Variants in GRIA4 observed in about 807,000 individuals in gnomAD.
The protein encoded by GRIA4 is glutamate ionotropic receptor AMPA type subunit 4, also known as glutamate receptor 4.
Under a neutral mutation model 104.0 loss-of-function variants are expected in GRIA4, and 34 were observed. The observed-to-expected ratio is 0.33, with a 90% CI of 0.25 to 0.44. The LOEUF (loss-of-function observed/expected upper bound fraction) is 0.44, where lower values mean the gene tolerates loss of function less well. GRIA4 is among the 20% of genes least tolerant of loss of function. The pLI, the probability that GRIA4 is intolerant of heterozygous loss-of-function variation, is 1.00. For synonymous variants in GRIA4, 386 were observed against 381.9 expected (o/e 1.01, Z -0.13); for missense variants, 750 against 1,096.5 (o/e 0.68, Z 4.46).
intron 4 of GRIA4, among the ~76,000 whole-genome samples, chr11:105,849,095 G>T (rs1944703473): frequency 6.6e-6 from 1 of 152,142 alleles, no homozygotes; most frequent in Admixed American, 6.5e-5. Flanking sequence ...AGAAGGCTGA[G>T]ATAGGAAAAT....
intron 4 of GRIA4, among the ~76,000 whole-genome samples, chr11:105,859,586 A>C (rs187567855): frequency 4.2e-4 from 64 of 152,312 alleles, no homozygotes; most frequent in Non-Finnish European, 1.6e-4. Context: ...GAATAACAAC[A>C]TGGATGCCTA....
intron 10 of GRIA4, 101 bp downstream of exon 10, chr11:105,910,646 T>C (rs575845502): frequency 5.8e-6 from 4 of 684,406 alleles, no homozygotes; most frequent in South Asian, 5.0e-5. Flanking sequence ...CTGTTAGCAA[T>C]GGTGACATGG....
At chr11:105,681,165 A>C (rs1319163955) in intron 3 of GRIA4, among the ~76,000 whole-genome samples, 1 of 152,222 alleles carries the variant, frequency 6.6e-6, no homozygotes, top group Non-Finnish European at 1.5e-5. Context: ...CTTGATAATA[A>C]GTAGTTGAAA....
chr11:105,924,911 T>C (rs944643443), intron 12 of GRIA4, 142 bp downstream of exon 12: 18 of 613,026 alleles, frequency 2.9e-5, no homozygotes, highest in Non-Finnish European at 4.1e-5. Context: ...CAAATAGCAA[T>C]TTCTTCCAAG....
intron 4 of GRIA4, among the ~76,000 whole-genome samples, chr11:105,835,212 T>C (rs1944131728): frequency 6.6e-6 from 1 of 152,000 alleles, no homozygotes; most frequent in East Asian, 1.9e-4. Flanking sequence ...AAATTAATTA[T>C]ATTGCCAACT....
At chr11:105,924,885 A>G (rs1047876279) in intron 12 of GRIA4, 116 bp downstream of exon 12, 2 of 755,628 alleles carry the variant, frequency 2.6e-6, no homozygotes, top group Non-Finnish European at 4.2e-6. Context: ...AAACACAGAA[A>G]AAGACTTGCA....
At chr11:105,713,948 C>A (rs1954003036) in intron 3 of GRIA4, among the ~76,000 whole-genome samples, 2 of 152,112 alleles carry the variant, frequency 1.3e-5, no homozygotes, top group South Asian at 4.1e-4. Flanking sequence ...TCAGTGAGTA[C>A]AGCTGTGCTC....
chr11:105,813,323 C>T (rs1943253028), intron 4 of GRIA4, among the ~76,000 whole-genome samples: 1 of 151,992 alleles, frequency 6.6e-6, no homozygotes, highest in African/African-American at 2.4e-5. Context: ...AAGATTTCAT[C>T]CATTAATTTG....
At chr11:105,879,713 G>GT (rs1294560895) in intron 5 of GRIA4, among the ~76,000 whole-genome samples, 1 of 152,138 alleles carries the variant, frequency 6.6e-6, no homozygotes, top group Non-Finnish European at 1.5e-5. Flanking sequence ...GAGATTATTT[G>GT]TAAGGAAAGA....
chr11:105,710,591 A>G (rs1953876182), intron 3 of GRIA4, among the ~76,000 whole-genome samples: 1 of 152,192 alleles, frequency 6.6e-6, no homozygotes, highest in Admixed American at 6.6e-5. Flanking sequence ...GATTTATTCA[A>G]TATTAGTTTA....
intron 3 of GRIA4, among the ~76,000 whole-genome samples, chr11:105,733,077 T>A (rs774383040): frequency 1.3e-5 from 2 of 152,210 alleles, no homozygotes; most frequent in African/African-American, 2.4e-5. Flanking sequence ...TAGAAATAGA[T>A]TAATTGCATA....
At chr11:105,932,068 G>A (rs1248525946) in intron 13 of GRIA4, among the ~76,000 whole-genome samples, 1 of 151,444 alleles carries the variant, frequency 6.6e-6, no homozygotes, top group African/African-American at 2.4e-5. Context: ...TTTGGATTCA[G>A]ATACAAAATT....
At chr11:105,774,538 A>T (rs554381698) in intron 4 of GRIA4, among the ~76,000 whole-genome samples, 84 of 152,280 alleles carry the variant, frequency 5.5e-4, no homozygotes, top group African/African-American at 1.9e-3. Context: ...TTGAAGTAGT[A>T]TTAATGTTTG....
chr11:105,808,584 T>C lies in GRIA4; in HGVS notation c.488-53440T>C, dbSNP rs77828461. 4.6e-5 allele frequency among the ~76,000 whole-genome samples: 7 copies of C among 152,170 alleles called. No homozygotes were observed. In the East Asian group the frequency reaches 7.7e-4, roughly 17 times the overall value. ...GTAATTCAATCCTCTTTCCCAAAAG[T>C]TGTAAAATCAGATATACAGACAGAT... On this transcript the variant is annotated intron_variant, in intron 4 of 16. Transcript: ENST00000282499.
intron 3 of GRIA4, among the ~76,000 whole-genome samples, chr11:105,658,326 C>T (rs570389808): frequency 5.9e-5 from 9 of 151,884 alleles, no homozygotes; most frequent in Non-Finnish European, 1.3e-4. Context: ...TCCTGAACAG[C>T]TTTCTTCTTT....
intron 3 of GRIA4, among the ~76,000 whole-genome samples, chr11:105,651,525 G>T (rs1951686534): frequency 6.6e-6 from 1 of 152,100 alleles, no homozygotes; most frequent in African/African-American, 2.4e-5. Context: ...TAATGTTGCA[G>T]ATCACTATTT....
intron 7 of GRIA4, among the ~76,000 whole-genome samples, chr11:105,901,756 C>T (rs518639): frequency 0.17 from 26,127 of 152,038 alleles, 2,406 homozygotes; most frequent in Admixed American, 0.24. Context: ...TAAAAATAAA[C>T]GAACTTTTTA....
chr11:105,789,161 A>C (rs1942105439), intron 4 of GRIA4, among the ~76,000 whole-genome samples: 1 of 152,168 alleles, frequency 6.6e-6, no homozygotes, highest in African/African-American at 2.4e-5. Context: ...ATAGCATCAC[A>C]GATAGAACTG....
chr11:105,733,030 T>C (rs1938701209), intron 3 of GRIA4, among the ~76,000 whole-genome samples: 1 of 152,226 alleles, frequency 6.6e-6, no homozygotes, highest in Admixed American at 6.5e-5. Context: ...GTTGTATCTC[T>C]TATATTATCT....
Sources: allele counts gnomAD v4.1 joint callset (sites outside exome capture counted in the v4.1 genomes callset), GRCh38; gene constraint gnomAD v4.1.1; transcripts MANE v1.5; gene names NCBI Gene and HGNC (gene_info 2026-07-23, HGNC 2026-07-21).